Variants in TYR observed in about 807,000 individuals in gnomAD.
The protein encoded by TYR is LB24-AB.
TYR carries 58 observed loss-of-function variants against 51.5 expected under a neutral mutation model. The observed-to-expected ratio is 1.13, with a 90% CI of 0.91 to 1.40. The LOEUF (loss-of-function observed/expected upper bound fraction) is 1.40. Among genes scored for constraint, TYR ranks in the 40% most tolerant of loss-of-function variants. The pLI, the probability that TYR is intolerant of heterozygous loss-of-function variation, is 0.00. For synonymous variants in TYR, 263 were observed against 235.2 expected (o/e 1.12, Z -1.08); for missense variants, 732 against 647.4 (o/e 1.13, Z -1.42).
chr11:89,179,215 A>G (rs901819913), intron 1 of TYR, among the ~76,000 whole-genome samples: 12 of 152,228 alleles, frequency 7.9e-5, no homozygotes, highest in African/African-American at 2.7e-4. Flanking sequence ...TTAAAAATGC[A>G]AATTCCTGGC....
intron 3 of TYR, among the ~76,000 whole-genome samples, chr11:89,279,895 CAG>C (rs1944700996): frequency 6.6e-6 from 1 of 151,712 alleles, no homozygotes; most frequent in South Asian, 2.1e-4. Context: ...ACCTTCAAGA[CAG>C]AGTATCTACA....
At chr11:89,255,127 G>A (rs554047984) in intron 3 of TYR, among the ~76,000 whole-genome samples, 2 of 151,836 alleles carry the variant, frequency 1.3e-5, no homozygotes, top group African/African-American at 4.8e-5. Context: ...GGTTTTGAAG[G>A]TTCCTTTTGG....
intron 1 of TYR, among the ~76,000 whole-genome samples, chr11:89,185,058 C>T (rs1264757043): frequency 2.0e-5 from 3 of 152,052 alleles, no homozygotes; most frequent in Admixed American, 6.6e-5. Flanking sequence ...AACAGTTGAC[C>T]GGGAAGACAT....
intron 2 of TYR, among the ~76,000 whole-genome samples, chr11:89,223,548 C>T (rs755380408): frequency 6.6e-6 from 1 of 151,970 alleles, no homozygotes. Context: ...TCTAAAATTC[C>T]CTCGTAGGTT....
At chr11:89,251,816 C>T (rs12421746) in intron 3 of TYR, among the ~76,000 whole-genome samples, 9,047 of 151,716 alleles carry the variant, frequency 0.06, 339 homozygotes, top group East Asian at 0.12. Context: ...CCCTTAACAC[C>T]AATGATCCCT....
chr11:89,236,455 C>T (rs1301604599), intron 3 of TYR, among the ~76,000 whole-genome samples: 1 of 152,120 alleles, frequency 6.6e-6, no homozygotes, highest in African/African-American at 2.4e-5. Flanking sequence ...TTCTATTTTA[C>T]TATTAGACAT....
chr11:89,189,469 T>C (rs904752050), intron 1 of TYR, among the ~76,000 whole-genome samples: 22 of 151,706 alleles, frequency 1.5e-4, no homozygotes, highest in African/African-American at 4.8e-4. Context: ...GGGACAATAA[T>C]AGGATATTTT....
chr11:89,240,286 T>A (rs1812615064), intron 3 of TYR, among the ~76,000 whole-genome samples: 1 of 151,972 alleles, frequency 6.6e-6, no homozygotes, highest in Admixed American at 6.6e-5. Context: ...AAATAAAACA[T>A]AAAGGATCCA....
chr11:89,189,459 G>A (rs1591141569), intron 1 of TYR, among the ~76,000 whole-genome samples: 5 of 150,996 alleles, frequency 3.3e-5, no homozygotes, highest in Admixed American at 3.3e-4. Context: ...AAAAAAAAAA[G>A]GGACAATAAT....
intron 3 of TYR, among the ~76,000 whole-genome samples, chr11:89,249,711 T>C: frequency 6.6e-6 from 1 of 152,092 alleles, no homozygotes; most frequent in Middle Eastern, 3.4e-3. Flanking sequence ...GGAAAGAGGA[T>C]ATGAACAAGA....
intron 2 of TYR, among the ~76,000 whole-genome samples, chr11:89,205,873 T>C (rs953071411): frequency 6.6e-6 from 1 of 152,166 alleles, no homozygotes; most frequent in Non-Finnish European, 1.5e-5. Flanking sequence ...AAATTTTATG[T>C]CATTCATCTA....
intron 4 of TYR, among the ~76,000 whole-genome samples, chr11:89,290,352 A>T (rs1358840154): frequency 6.6e-6 from 1 of 152,086 alleles, no homozygotes; most frequent in Non-Finnish European, 1.5e-5. Flanking sequence ...ATTAAAGTGG[A>T]GCAATAGTAA....
chr11:89,187,215 C>T (rs970932037), intron 1 of TYR, among the ~76,000 whole-genome samples: 1 of 152,088 alleles, frequency 6.6e-6, no homozygotes, highest in African/African-American at 2.4e-5. Context: ...CCAGCCAAGG[C>T]CTCAACATTT....
At chr11:89,194,552 T>C (rs1310500479) in intron 2 of TYR, among the ~76,000 whole-genome samples, 1 of 152,226 alleles carries the variant, frequency 6.6e-6, no homozygotes, top group Non-Finnish European at 1.5e-5. Flanking sequence ...GTTGGCATCG[T>C]CGATGGTTAC....
intron 3 of TYR, among the ~76,000 whole-genome samples, chr11:89,267,188 A>T (rs1944535713): frequency 6.6e-6 from 1 of 151,902 alleles, no homozygotes; most frequent in South Asian, 2.1e-4. Flanking sequence ...GGAAACCAGA[A>T]AGTATTGTCT....
chr11:89,207,129 C>G (rs764733125), intron 2 of TYR, among the ~76,000 whole-genome samples: 4 of 151,484 alleles, frequency 2.6e-5, no homozygotes, highest in Non-Finnish European at 5.9e-5. Context: ...AAGATAGGAG[C>G]AGAAAGCAGT....
chr11:89,262,885 C>CAAAAAAAAAAAAAAAAAAA (rs1944478745), intron 3 of TYR, among the ~76,000 whole-genome samples: 1 of 55,528 alleles, frequency 1.8e-5, no homozygotes, highest in Admixed American at 1.7e-4. Context: ...ACAACAACAA[C>CAAAAAAAAAAAAAAAAAAA]AACAAAGAAA....
chr11:89,200,589 T>A (rs1365832092), intron 2 of TYR: 1 of 152,048 alleles, frequency 6.6e-6, no homozygotes, highest in East Asian at 1.9e-4. Flanking sequence ...ATCTTGCATA[T>A]TTGTATTAAT....
chr11:89,261,082 C>G (rs1480524861), intron 3 of TYR, among the ~76,000 whole-genome samples: 1 of 152,048 alleles, frequency 6.6e-6, no homozygotes, highest in Non-Finnish European at 1.5e-5. Flanking sequence ...ATGAAACCAG[C>G]CCCTGGCACC....
Sources: allele counts gnomAD v4.1 joint callset (sites outside exome capture counted in the v4.1 genomes callset), GRCh38; gene constraint gnomAD v4.1.1; transcripts MANE v1.5; gene names NCBI Gene and HGNC (gene_info 2026-07-23, HGNC 2026-07-21).